Variants in TAFA4 observed in about 807,000 individuals in gnomAD.
The protein encoded by TAFA4 is chemokine-like protein TAFA-4.
A neutral mutation model predicts 21.1 loss-of-function variants in TAFA4; 20 were observed. That is an observed-to-expected ratio of 0.95 (90% CI 0.67 to 1.38). The LOEUF (loss-of-function observed/expected upper bound fraction) is 1.38. Ranked by LOEUF, TAFA4 falls within the 40% of genes most tolerant of loss-of-function variation. TAFA4 has a pLI of 0.00. For synonymous variants in TAFA4, 71 were observed against 67.4 expected (o/e 1.05, Z -0.26); for missense variants, 211 against 180.9 (o/e 1.17, Z -0.95).
chr3:68,840,456 A>G (rs1704634889), intron 3 of TAFA4, among the ~76,000 whole-genome samples: 1 of 152,168 alleles, frequency 6.6e-6, no homozygotes, highest in African/African-American at 2.4e-5. Flanking sequence ...AGCTCAAGCA[A>G]TCTACCCACC....
rs76400481 is a variant in TAFA4 at position 68,909,196 on chromosome 3, T to G, written c.-123+23044A>C. On this transcript the variant is annotated intron_variant, in intron 1 of 5. Coordinates refer to ENST00000295569, the MANE Select transcript of TAFA4 (RefSeq NM_182522.5). ...CAAACCCCCCAAAAAAAAAAGGGAT[T>G]TGGGGACAAAATGACAACAGAATTT... Among the ~76,000 whole-genome samples the G allele has an allele frequency of 1.6e-3, 248 of 152,200 alleles. 2 individuals are homozygous for G. The East Asian group carries it at 0.037, about 23-fold the overall frequency.
chr3:68,826,713 G>C (rs56174174), intron 3 of TAFA4, among the ~76,000 whole-genome samples: 42,272 of 152,036 alleles, frequency 0.28, 6,735 homozygotes, highest in Non-Finnish European at 0.37. Context: ...GGAAGGGAAA[G>C]AGGAGGCACA....
intron 3 of TAFA4, among the ~76,000 whole-genome samples, chr3:68,804,367 A>G (rs1703641672): frequency 6.6e-6 from 1 of 152,168 alleles, no homozygotes; most frequent in African/African-American, 2.4e-5. Context: ...GAAAATGGTC[A>G]TACTGCCCAA....
At chr3:68,896,325 G>A (rs1355222128) in intron 1 of TAFA4, among the ~76,000 whole-genome samples, 2 of 152,132 alleles carry the variant, frequency 1.3e-5, no homozygotes, top group Non-Finnish European at 2.9e-5. Flanking sequence ...GTCCTGATGT[G>A]GGGGCAGGAT....
chr3:68,882,404 G>A (rs1412596119), intron 2 of TAFA4, among the ~76,000 whole-genome samples: 1 of 152,098 alleles, frequency 6.6e-6, no homozygotes, highest in Non-Finnish European at 1.5e-5. Flanking sequence ...AGATTCTCTT[G>A]AAAAATTATT....
chr3:68,837,047 G>A (rs1024552158), intron 3 of TAFA4, among the ~76,000 whole-genome samples: 1 of 152,194 alleles, frequency 6.6e-6, no homozygotes, highest in Non-Finnish European at 1.5e-5. Context: ...AGTGTGACTG[G>A]GACACAAGCA....
chr3:68,815,550 G>T (rs962917013), intron 3 of TAFA4, among the ~76,000 whole-genome samples: 3 of 152,112 alleles, frequency 2.0e-5, no homozygotes, highest in Non-Finnish European at 2.9e-5. Context: ...GCAGCCAAAA[G>T]ACGCATGAAA....
At chr3:68,829,853 C>G (rs2106876459) in intron 3 of TAFA4, among the ~76,000 whole-genome samples, 1 of 152,266 alleles carries the variant, frequency 6.6e-6, no homozygotes, top group Middle Eastern at 3.4e-3. Flanking sequence ...TAATTATTGC[C>G]TCAATTTCAG....
At chr3:68,772,637 C>T (rs1461350661) in intron 3 of TAFA4, among the ~76,000 whole-genome samples, 1 of 152,106 alleles carries the variant, frequency 6.6e-6, no homozygotes, top group Non-Finnish European at 1.5e-5. Flanking sequence ...CATAGCTTCA[C>T]GTTGGGGCAG....
chr3:68,778,440 G>A (rs1030681217), intron 3 of TAFA4, among the ~76,000 whole-genome samples: 25 of 152,142 alleles, frequency 1.6e-4, no homozygotes, highest in Admixed American at 2.6e-4. Flanking sequence ...AGACAAGCAC[G>A]CAATTACAGT....
intron 3 of TAFA4, among the ~76,000 whole-genome samples, chr3:68,773,790 G>C (rs1362061114): frequency 6.6e-6 from 1 of 152,144 alleles, no homozygotes; most frequent in South Asian, 2.1e-4. Flanking sequence ...ATTTTCGTTT[G>C]ACAGATGAAG....
chr3:68,734,538 G>A (rs1702205568), intron 5 of TAFA4, among the ~76,000 whole-genome samples: 1 of 152,090 alleles, frequency 6.6e-6, no homozygotes, highest in African/African-American at 2.4e-5. Context: ...GATGAGGAAT[G>A]CATGGCAAGA....
intron 3 of TAFA4, among the ~76,000 whole-genome samples, chr3:68,851,023 T>C (rs1008547406): frequency 3.9e-5 from 6 of 152,152 alleles, no homozygotes; most frequent in African/African-American, 1.4e-4. Context: ...AATTATTCTA[T>C]TACAAAGATA....
intron 3 of TAFA4, among the ~76,000 whole-genome samples, chr3:68,861,377 A>G (rs528198753): frequency 2.6e-5 from 4 of 152,062 alleles, no homozygotes; most frequent in Middle Eastern, 3.2e-3. Flanking sequence ...TTACTTTAGG[A>G]AAGAAAAATG....
At chr3:68,867,258 G>A (rs1559548275) in intron 3 of TAFA4, among the ~76,000 whole-genome samples, 1 of 151,986 alleles carries the variant, frequency 6.6e-6, no homozygotes, top group Non-Finnish European at 1.5e-5. Context: ...AACCACAGAG[G>A]CCAGGAAAGA....
intron 3 of TAFA4, among the ~76,000 whole-genome samples, chr3:68,824,719 G>T (rs1704188643): frequency 6.6e-6 from 1 of 152,110 alleles, no homozygotes; most frequent in African/African-American, 2.4e-5. Context: ...AATGTTTTTG[G>T]AAATATCTTC....
chr3:68,757,454 G>T lies in TAFA4; in HGVS notation c.131-4436C>A, dbSNP rs1196874213. On this transcript the variant is annotated intron_variant, in intron 3 of 5. Coordinates refer to ENST00000295569, the MANE Select transcript of TAFA4 (RefSeq NM_182522.5). ...CATTCAGTCCATAACAAACCATCATGCCTTGGTTAGATTACTAAATGACCC... is the reference window on the plus strand; with the variant it reads ...CATTCAGTCCATAACAAACCATCATTCCTTGGTTAGATTACTAAATGACCC... Among the ~76,000 whole-genome samples, 3 of 152,248 alleles carry T rather than the reference G, an allele frequency of 2.0e-5. No homozygotes were observed. In the East Asian group the frequency reaches 5.8e-4, roughly 29 times the overall value.
intron 3 of TAFA4, among the ~76,000 whole-genome samples, chr3:68,822,237 A>G (rs1175230047): frequency 2.6e-5 from 4 of 152,250 alleles, no homozygotes; most frequent in South Asian, 2.1e-4. Context: ...ACTATGTGCA[A>G]TGCCATAAGC....
rs1246923926 is a variant in TAFA4 at position 68,816,605 on chromosome 3, T to A, written c.131-63587A>T. ...ATTAGTTCTAATAGTTTTTATGGAA[T>A]CCTCAGGGTTTTTCATATATAATAT... On this transcript the variant is annotated intron_variant, in intron 3 of 5. Transcript: ENST00000295569. 3.3e-5 allele frequency among the ~76,000 whole-genome samples: 5 copies of A among 152,208 alleles called. No homozygotes were observed. In the East Asian group the frequency reaches 9.6e-4, roughly 29 times the overall value.
Sources: gnomAD v4.1 joint callset for allele counts (sites outside exome capture counted in the v4.1 genomes callset) on GRCh38, gnomAD v4.1.1 for gene constraint, MANE v1.5 for transcripts, NCBI Gene and HGNC (gene_info 2026-07-23, HGNC 2026-07-21) for gene names.